Variants in EPAS1 observed in about 807,000 individuals in gnomAD.
EPAS1 encodes endothelial PAS domain-containing protein 1.
Under a neutral mutation model 87.9 loss-of-function variants are expected in EPAS1, and 23 were observed. That is an observed-to-expected ratio of 0.26 (90% confidence interval 0.19 to 0.37). The LOEUF (loss-of-function observed/expected upper bound fraction) is 0.37. EPAS1 is among the 10% of genes least tolerant of loss of function. The probability of loss-of-function intolerance (pLI) is 1.00; values close to 1 mark genes in which losing one functional copy is unlikely to be tolerated. For missense variants in EPAS1, 1,138 were observed against 1,120.7 expected (o/e 1.02, Z -0.22); for synonymous variants, 508 against 444.3 (o/e 1.14, Z -1.80).
At chr2:46,304,235 C>G (rs1572611631) in intron 1 of EPAS1, among the ~76,000 whole-genome samples, 1 of 152,148 alleles carries the variant, frequency 6.6e-6, no homozygotes, top group East Asian at 1.9e-4. Context: ...CATGGATTAA[C>G]TTTTTAATCC....
In EPAS1 at chr2:46,346,686, C is replaced by A. The variant is rs990536516; in HGVS notation, c.27-187C>A. The stretch of plus-strand genomic sequence containing the variant: ...AGGACTTTGGTTGTGAAGACACCAA[C>A]ACACACAAAAGCAGAGCTAACAATA... On this transcript the variant is annotated intron_variant, in intron 1 of 15. Transcript: ENST00000263734. This position sits in a 1 kb window ranked among gnomAD's most constrained non-coding sequence, Gnocchi z 4.0. Among the ~76,000 whole-genome samples the A allele has an allele frequency of 6.6e-6, 1 of 152,240 alleles. No homozygotes were observed. The highest frequency in any genetic ancestry group is 1.5e-5 in the Non-Finnish European group (1 of 68,046).
intron 15 of EPAS1, among the ~76,000 whole-genome samples, 155 bp downstream of exon 15, chr2:46,382,753 G>A (rs777820274): frequency 6.6e-6 from 1 of 152,216 alleles, no homozygotes; most frequent in Non-Finnish European, 1.5e-5. Context: ...TGGATTTAGG[G>A]AACCTCCTCA....
At chr2:46,364,628 A>G (rs1452805678) in intron 6 of EPAS1, among the ~76,000 whole-genome samples, 1 of 152,234 alleles carries the variant, frequency 6.6e-6, no homozygotes, top group Non-Finnish European at 1.5e-5. Flanking sequence ...AATAGTAAAT[A>G]CTTTTAAAAG....
At chr2:46,302,734 GAAAAAAAAAAAA>G (rs368452487) in intron 1 of EPAS1, among the ~76,000 whole-genome samples, 11,071 of 119,648 alleles carry the variant, frequency 0.093, 1,374 homozygotes, top group African/African-American at 0.32. Flanking sequence ...GTCTGATTAG[GAAAAAAAAAAAA>G]AAAAAAAAAA....
chr2:46,348,642 C>A (rs1249336519), intron 2 of EPAS1, among the ~76,000 whole-genome samples: 1 of 152,208 alleles, frequency 6.6e-6, no homozygotes, highest in East Asian at 1.9e-4. Context: ...ACTCCCAATT[C>A]CTCCACCCAC....
chr2:46,323,983 A>G (rs1233860473), intron 1 of EPAS1, among the ~76,000 whole-genome samples: 1 of 152,228 alleles, frequency 6.6e-6, no homozygotes, highest in African/African-American at 2.4e-5. Context: ...TATTTAGTCT[A>G]TGGCTACTGT....
At chr2:46,352,027 G>C (rs1398624069) in intron 2 of EPAS1, among the ~76,000 whole-genome samples, 1 of 152,244 alleles carries the variant, frequency 6.6e-6, no homozygotes, top group African/African-American at 2.4e-5. Flanking sequence ...GTTTACCGGG[G>C]CTATTTTTAG....
rs1219410135 is a variant in EPAS1, at chr2:46,297,920, T to C, written c.9T>C (p.Ala3=). The C allele has an allele frequency of 1.9e-6, 3 of 1,612,182 alleles. No individual in the cohort carries two copies. Among genetic ancestry groups the C allele is most frequent in the Non-Finnish European group, 2.5e-6 (3 of 1,179,238 alleles). The change falls in exon 1 of 16, where the codon GCT becomes GCC. Residue 3 remains alanine (A), a synonymous_variant. Transcript: ENST00000263734. ...AAAGGGCCACAGCGACAATGACAGC[T>C]GACAAGGAGAAGAAAAGGTAAGCGG... The part of the protein sequence containing the change: MT[A]DKEKKRSSSE...
chr2:46,360,793 G>T lies in EPAS1; in HGVS notation c.573+37G>T, dbSNP rs747090917. ...TCAGGCCTGGGTTGGAGTCCCAGGT[G>T]TAGGGTAACGGCGGTGCAGGGGATG... On this transcript the variant is annotated intron_variant, in intron 5 of 15. Transcript: ENST00000263734. This position sits in a 1 kb window ranked among gnomAD's most constrained non-coding sequence, Gnocchi z 4.5. 1 of 1,612,364 alleles carries T rather than the reference G, an allele frequency of 6.2e-7. No homozygotes were observed. Among genetic ancestry groups the T allele is most frequent in the African/African-American group, 1.3e-5 (1 of 74,872 alleles).
At chr2:46,342,518 A>G (rs1683932612) in intron 1 of EPAS1, among the ~76,000 whole-genome samples, 1 of 152,154 alleles carries the variant, frequency 6.6e-6, no homozygotes, top group Non-Finnish European at 1.5e-5. Flanking sequence ...TAATAGGCAT[A>G]TTGTTTTGAT....
rs1684816100 is a variant in EPAS1, at chr2:46,378,772, A to G, written c.1554+5A>G. 1.9e-6 allele frequency: 3 copies of G among 1,611,384 alleles called. No individual in the cohort carries two copies. The highest frequency in any genetic ancestry group is 1.7e-6 in the Non-Finnish European group (2 of 1,177,508). Reference sequence around the variant, plus strand: ...AAGGACCAATGCAGTACCCAGGTAGATGGCTGTGGAGATCAGGCTAGGGTG... The same window carrying G: ...AAGGACCAATGCAGTACCCAGGTAGGTGGCTGTGGAGATCAGGCTAGGGTG... On this transcript the variant is annotated splice_donor_5th_base_variant and intron_variant, in intron 11 of 15. Transcript: ENST00000263734.
rs193055857 is a variant in EPAS1, at chr2:46,384,585, G to A, written c.2538G>A (p.Val846=). The part of the protein sequence containing the change: ...LPELTRYDCE[V]NVPVLGSSTL... ...AACTGACCAGATATGACTGTGAGGT[G>A]AACGTGCCCGTGCTGGGAAGCTCCA... The change falls in exon 16 of 16, where the codon GTG becomes GTA. Residue 846 remains valine (V), a synonymous_variant. Coordinates refer to ENST00000263734, the MANE Select transcript of EPAS1 (RefSeq NM_001430.5). The A allele has an allele frequency of 2.5e-6, 4 of 1,614,050 alleles. No homozygotes were observed. The highest frequency in any genetic ancestry group is 2.5e-6 in the Non-Finnish European group (3 of 1,180,046).
chr2:46,385,963 C>A lies in EPAS1; in HGVS notation c.*1303C>A, dbSNP rs1685014336. 1 of 152,532 alleles carries A rather than the reference C, an allele frequency of 6.6e-6. No individual in the cohort carries two copies. The highest frequency in any genetic ancestry group is 2.1e-4 in the South Asian group (1 of 4,836). 9.4% of individuals were successfully genotyped at this position (152,532 alleles called of 1,614,324 possible). On this transcript the variant is annotated 3_prime_UTR_variant, in exon 16 of 16. Coordinates refer to ENST00000263734, the MANE Select transcript of EPAS1 (RefSeq NM_001430.5). ...CCTCCAAGCTCACGACCTTGGAGCC[C>A]CGTGGAGCTGGACTGAGGAGGAGGC...
At chr2:46,303,691 A>G (rs952233384) in intron 1 of EPAS1, among the ~76,000 whole-genome samples, 13 of 152,214 alleles carry the variant, frequency 8.5e-5, no homozygotes, top group African/African-American at 2.9e-4. Context: ...TATAGAAGCA[A>G]CTTGTTCTAA....
chr2:46,310,628 C>T (rs1026164466), intron 1 of EPAS1, among the ~76,000 whole-genome samples: 1 of 152,224 alleles, frequency 6.6e-6, no homozygotes, highest in South Asian at 2.1e-4. Flanking sequence ...GGATTTTTCC[C>T]TCCTCGAGCA....
At chr2:46,350,839 T>C (rs1330272528) in intron 2 of EPAS1, among the ~76,000 whole-genome samples, 4 of 152,258 alleles carry the variant, frequency 2.6e-5, no homozygotes, top group Non-Finnish European at 5.9e-5. Context: ...AGTTGCATTA[T>C]GGATTCATCA....
rs1572619027 is a variant in EPAS1, at chr2:46,321,375, G to C, written c.26+23438G>C. Among the ~76,000 whole-genome samples, 2 of 152,144 alleles carry C rather than the reference G, an allele frequency of 1.3e-5. 1 individual carries two copies. Among genetic ancestry groups the C allele is most frequent in the South Asian group, 4.2e-4 (2 of 4,796 alleles). ...TGAGTCCCTGCTTTCAGTTTTTTTG[G>C]ATATAGACCTAGAAGTGGAATTTCT... On this transcript the variant is annotated intron_variant, in intron 1 of 15. Transcript: ENST00000263734.
rs2103616311 is a variant in EPAS1, at chr2:46,347,018, C to T, written c.172C>T (p.Arg58Ter). 1 of 1,614,212 alleles carries T rather than the reference C, an allele frequency of 6.2e-7. No individual in the cohort carries two copies. Among genetic ancestry groups the T allele is most frequent in the Non-Finnish European group, 8.5e-7 (1 of 1,180,028 alleles). Residue 58 changes from arginine (R) to a stop codon, truncating the protein, a stop_gained, in exon 2 of 16, where the codon CGA becomes TGA. Transcript: ENST00000263734. LOFTEE classifies it high-confidence loss of function. The surrounding 1 kb of genome is among the most constrained non-coding windows in gnomAD (Gnocchi z 4.2). The part of the protein sequence containing the change: ...SSHLDKASIM[R>*]LAISFLRTHK... ...CCATCTGGACAAGGCCTCCATCATG[C>T]GACTGGCAATCAGCTTCCTGCGAAC... is the stretch of plus-strand genomic sequence containing the variant.
intron 1 of EPAS1, among the ~76,000 whole-genome samples, chr2:46,308,461 G>GGA (rs1553388759): frequency 5.2e-5 from 2 of 38,736 alleles, no homozygotes; most frequent in African/African-American, 1.1e-4. Flanking sequence ...GCTTTTTTTT[G>GGA]GGGGGGGGGG....
Sources: gnomAD v4.1 joint callset for allele counts (sites outside exome capture counted in the v4.1 genomes callset) on GRCh38, gnomAD v4.1.1 for gene constraint, Gnocchi (gnomAD v3.1) non-coding constraint, MANE v1.5 for transcripts, NCBI Gene and HGNC (gene_info 2026-07-23, HGNC 2026-07-21) for gene names.